The following LRP1 variants were observed in gnomAD, a reference collection of about 807,000 sequenced individuals.
The protein encoded by LRP1 is LDL receptor related protein 1, also known as prolow-density lipoprotein receptor-related protein 1.
A neutral mutation model predicts 541.5 loss-of-function variants in LRP1; 51 were observed. That is an observed-to-expected ratio of 0.09 (90% CI 0.08 to 0.12). The LOEUF is 0.12. LRP1 is among the 10% of genes least tolerant of loss of function. The pLI is 1.00. For synonymous variants in LRP1, 2,219 were observed against 2,470.8 expected, an observed-to-expected ratio of 0.90 and a Z score of 3.02; for missense variants, 3,878 against 6,376.2, an observed-to-expected ratio of 0.61 and a Z score of 13.34.
intron 4 of LRP1, chr12:57,144,648 A>T (rs1483622549): frequency 3.2e-6 from 1 of 312,398 alleles, no homozygotes; most frequent in East Asian, 6.2e-5. Context: ...TTCATTTATT[A>T]TCTGAATATA....
intron 44 of LRP1, 23 bp from the exon 45 acceptor site, chr12:57,192,822 G>C (rs2036442778): frequency 6.2e-7 from 1 of 1,613,820 alleles, no homozygotes; most frequent in African/African-American, 1.3e-5. Context: ...CTCCAGCCCT[G>C]CGCCCACCCT....
chr12:57,177,017 C>G lies in LRP1; in HGVS notation c.3992-24C>G. 6.2e-7 allele frequency: 1 copy of G among 1,605,622 alleles called. No homozygotes were observed. Among genetic ancestry groups the G allele is most frequent in the Non-Finnish European group, 8.5e-7 (1 of 1,173,404 alleles). On this transcript the variant is annotated intron_variant, in intron 24 of 88. Transcript: ENST00000243077. The surrounding 1 kb of genome is among the most constrained non-coding windows in gnomAD (Gnocchi z 6.8). The stretch of plus-strand genomic sequence containing the variant: ...GCACAGCTCCCCAGGAGACGCTAAC[C>G]TTTCACTGCCCTCTCTTCTCCAGCC...
At chr12:57,194,084 C>T in intron 48 of LRP1, 72 bp downstream of exon 48, 1 of 1,340,654 alleles carries the variant, frequency 7.5e-7, no homozygotes, top group Middle Eastern at 2.1e-4. Flanking sequence ...CCTTCAGGCC[C>T]TCCTGCACCT....
chr12:57,207,763 C>G (rs144531145), intron 76 of LRP1, among the ~76,000 whole-genome samples: 1 of 152,222 alleles, frequency 6.6e-6, no homozygotes, highest in African/African-American at 2.4e-5. Flanking sequence ...CCACTGTGTA[C>G]GTCTTAGCTA....
chr12:57,209,192 C>T lies in LRP1; in HGVS notation c.12255C>T (p.Ser4085=). The T allele has an allele frequency of 6.2e-7, 1 of 1,613,410 alleles. No homozygotes were observed. The highest frequency in any genetic ancestry group is 8.5e-7 in the Non-Finnish European group (1 of 1,179,504). The change falls in exon 79 of 89, where the codon AGC becomes AGT. Residue 4085 remains serine (S), a synonymous_variant. Coordinates refer to ENST00000243077, the MANE Select transcript of LRP1 (RefSeq NM_002332.3). ...NGTDPIVAAD[S]KRGLSHPFSI... is the part of the protein sequence containing the mutation. The stretch of plus-strand genomic sequence containing the variant: ...CGGACCCCATTGTGGCTGCTGACAG[C>T]AAACGAGGTCAGAGCCCGGCATAAG...
rs576852370 is a variant in LRP1, at chr12:57,158,130, A to G, written c.1562-272A>G. ...CTCCTTTTATACCACTGATTTCATG[A>G]CTGATCAGTGGGCACTTAGCTGAAA... On this transcript the variant is annotated intron_variant, in intron 10 of 88. Coordinates refer to ENST00000243077, the MANE Select transcript of LRP1 (RefSeq NM_002332.3). The surrounding 1 kb of genome is among the most constrained non-coding windows in gnomAD (Gnocchi z 5.3). Among the ~76,000 whole-genome samples, 1 of 152,272 alleles carries G rather than the reference A, an allele frequency of 6.6e-6. No homozygotes were observed. The highest frequency in any genetic ancestry group is 2.1e-4 in the South Asian group (1 of 4,824).
At chr12:57,153,163 T>C (rs962600517) in intron 6 of LRP1, among the ~76,000 whole-genome samples, 1 of 152,124 alleles carries the variant, frequency 6.6e-6, no homozygotes, top group Non-Finnish European at 1.5e-5. Flanking sequence ...CCTTAGGAGT[T>C]TCCCAGTTTG....
chr12:57,195,795 G>A lies in LRP1; in HGVS notation c.8560+15G>A. 6.2e-7 allele frequency: 1 copy of A among 1,614,152 alleles called. No homozygotes were observed. The highest frequency in any genetic ancestry group is 8.5e-7 in the Non-Finnish European group (1 of 1,180,022). On this transcript the variant is annotated intron_variant, in intron 53 of 88. Transcript: ENST00000243077. ...CCCCGAGTGTGGTGAGCCTTCGGCG[G>A]TGGTGGGAGGAGGCCCTGCCCTCTG... is the stretch of plus-strand genomic sequence containing the variant.
chr12:57,192,997 G>T, intron 45 of LRP1, 27 bp downstream of exon 45: 1 of 1,608,540 alleles, frequency 6.2e-7, no homozygotes. Context: ...GGAGGGGCTG[G>T]CGGGGAACCC....
At position 57,193,179 on chromosome 12, in the gene LRP1, T is replaced by G. The variant is rs1013338310; in HGVS notation, c.7559T>G (p.Val2520Gly). 1 of 1,613,890 alleles carries G rather than the reference T, an allele frequency of 6.2e-7. No homozygotes were observed. Among genetic ancestry groups the G allele is most frequent in the Non-Finnish European group, 8.5e-7 (1 of 1,179,870 alleles). ...ILQDDLTCRAVNSSCRAQDEF... is the reference protein window; with the variant it reads ...ILQDDLTCRAGNSSCRAQDEF... ...CTCCCTCCACCTCCCTCCCCAGCGG[T>G]GAATTCCTCTTGCCGAGCACAAGAT... The change falls in exon 46 of 89, where the codon GTG (valine) becomes GGG (glycine). Residue 2520 changes from valine to glycine, a missense_variant. Physicochemically the swap from Val to Gly is moderately radical, Grantham distance 109. Transcript: ENST00000243077.
chr12:57,150,189 C>CT (rs769778868), intron 6 of LRP1: 48,094 of 91,588 alleles, frequency 0.53, 14,173 homozygotes, highest in South Asian at 0.7. Flanking sequence ...AAACTTCCTT[C>CT]TTTTTTTTTT....
At chr12:57,166,361 C>A in intron 17 of LRP1, 152 bp downstream of exon 17, 1 of 1,053,740 alleles carries the variant, frequency 9.5e-7, no homozygotes, top group African/African-American at 1.6e-5. Flanking sequence ...TCAAGACCAG[C>A]CTGGCCAACA....
chr12:57,181,831 T>C (rs528219739), intron 34 of LRP1, among the ~76,000 whole-genome samples: 9 of 151,908 alleles, frequency 5.9e-5, no homozygotes, highest in African/African-American at 1.9e-4. Context: ...TCAGTAAGGG[T>C]TGAAGAAAAG....
rs1027694861 is a variant in LRP1 at position 57,183,149 on chromosome 12, C to T, written c.5663-230C>T. ...GAAATCCGAGTCTCTGCTGCCCTCT[C>T]ATGGTGGCTAGGGGTCCTGCAGGTG... On this transcript the variant is annotated intron_variant, in intron 34 of 88. Transcript: ENST00000243077. The surrounding 1 kb of genome is among the most constrained non-coding windows in gnomAD (Gnocchi z 6.1). Among the ~76,000 whole-genome samples the T allele has an allele frequency of 1.3e-5, 2 of 152,118 alleles. No homozygotes were observed. Among genetic ancestry groups the T allele is most frequent in the African/African-American group, 2.4e-5 (1 of 41,394 alleles).
Position 57,184,542 on chromosome 12 carries a change from G to T in LRP1, c.6186+90G>T. On this transcript the variant is annotated intron_variant, in intron 38 of 88. Coordinates refer to ENST00000243077, the MANE Select transcript of LRP1 (RefSeq NM_002332.3). The surrounding 1 kb of genome is among the most constrained non-coding windows in gnomAD (Gnocchi z 7.8). ...GATGAGCCCATTCTGGGAGGACTTGGAGCCCAGGGGAAGTCACAGGGTCTC... is the reference window on the plus strand; with the variant it reads ...GATGAGCCCATTCTGGGAGGACTTGTAGCCCAGGGGAAGTCACAGGGTCTC... 4 of 1,544,936 alleles carry T rather than the reference G, an allele frequency of 2.6e-6. No individual in the cohort carries two copies. In the South Asian group the frequency reaches 4.9e-5, roughly 19 times the overall value.
Position 57,173,616 on chromosome 12 carries a change from G to A in LRP1, c.3347-164G>A, listed in dbSNP as rs138708174. Among the ~76,000 whole-genome samples the A allele has an allele frequency of 3.5e-4, 54 of 152,312 alleles. No individual in the cohort carries two copies. In the East Asian group the frequency reaches 7.2e-3, roughly 20 times the overall value. ...ACCTCCTGCTGCAGATTCCTGCCTTGTTTGTTGCCTATGTGAATTTGACCC... is the reference window on the plus strand; with the variant it reads ...ACCTCCTGCTGCAGATTCCTGCCTTATTTGTTGCCTATGTGAATTTGACCC... On this transcript the variant is annotated intron_variant, in intron 21 of 88. Coordinates refer to ENST00000243077, the MANE Select transcript of LRP1 (RefSeq NM_002332.3). The surrounding 1 kb of genome is among the most constrained non-coding windows in gnomAD (Gnocchi z 4.7).
chr12:57,153,695 T>C (rs1250642379), intron 6 of LRP1, among the ~76,000 whole-genome samples: 1 of 152,178 alleles, frequency 6.6e-6, no homozygotes, highest in Non-Finnish European at 1.5e-5. Context: ...GTAGAGTTCA[T>C]ATTTTGAAAT....
intron 63 of LRP1, 73 bp from the exon 64 acceptor site, chr12:57,200,626 C>T: frequency 6.5e-7 from 1 of 1,532,620 alleles, no homozygotes; most frequent in South Asian, 1.1e-5. Flanking sequence ...GAGGCTGGGG[C>T]TGTGGTGCCC....
intron 44 of LRP1, among the ~76,000 whole-genome samples, chr12:57,191,872 C>CACACAG (rs1565743872): frequency 7.8e-5 from 2 of 25,550 alleles, no homozygotes; most frequent in Non-Finnish European, 1.2e-4. Context: ...ACACACCACA[C>CACACAG]ATACCACACA....
Sources: allele counts gnomAD v4.1 joint callset (sites outside exome capture counted in the v4.1 genomes callset), GRCh38; gene constraint gnomAD v4.1.1; non-coding constraint Gnocchi (gnomAD v3.1); transcripts MANE v1.5; gene names NCBI Gene and HGNC (gene_info 2026-07-23, HGNC 2026-07-21).